Variants in PKHD1 observed in about 807,000 individuals in gnomAD.
PKHD1 encodes the protein PKHD1 ciliary IPT domain containing fibrocystin/polyductin, also known as fibrocystin.
Under a neutral mutation model 412.0 loss-of-function variants are expected in PKHD1, and 291 were observed. That is an observed-to-expected ratio of 0.71 (90% CI 0.64 to 0.78). PKHD1 has a LOEUF of 0.78. PKHD1 is among the 30% of genes least tolerant of loss of function. The probability of loss-of-function intolerance (pLI) is 0.00; values close to 1 mark genes in which losing one functional copy is unlikely to be tolerated. For missense variants in PKHD1, 4,825 were observed against 4,950.7 expected, an observed-to-expected ratio of 0.97 and a Z score of 0.76; for synonymous variants, 1,777 against 1,821.5, an observed-to-expected ratio of 0.98 and a Z score of 0.62.
intron 36 of PKHD1, among the ~76,000 whole-genome samples, chr6:51,957,559 C>A (rs2127933018): frequency 6.6e-6 from 1 of 152,036 alleles, no homozygotes. Context: ...AGGTTAGTAC[C>A]AATGAAGTGT....
chr6:51,863,537 C>A (rs531287489), intron 48 of PKHD1, among the ~76,000 whole-genome samples: 1 of 152,162 alleles, frequency 6.6e-6, no homozygotes, highest in East Asian at 1.9e-4. Context: ...TCCACCAGGA[C>A]AAGAAAACAA....
chr6:51,742,274 G>A (rs1410086116), intron 60 of PKHD1, among the ~76,000 whole-genome samples: 1 of 152,140 alleles, frequency 6.6e-6, no homozygotes, highest in Non-Finnish European at 1.5e-5. Flanking sequence ...CATGCGCTTG[G>A]CACTGACTTT....
Position 51,746,861 on chromosome 6 carries a change from A to G in PKHD1, c.9858T>C (p.Ser3286=). The part of the protein sequence containing the change: ...QDVTFSSFVK[S]CYSDDLDVCI... ...AGACATCCAGGTCATCGCTATAGCAACTCTTCACAAAACTAGAAAAGGTAA... is the reference window on the plus strand; with the variant it reads ...AGACATCCAGGTCATCGCTATAGCAGCTCTTCACAAAACTAGAAAAGGTAA... The change falls in exon 59 of 67, where the codon AGT becomes AGC. Residue 3286 remains serine, a synonymous_variant. Coordinates refer to ENST00000371117, the MANE Select transcript of PKHD1 (RefSeq NM_138694.4). The G allele has an allele frequency of 1.2e-6, 2 of 1,608,468 alleles. No individual in the cohort carries two copies. The highest frequency in any genetic ancestry group is 8.5e-7 in the Non-Finnish European group (1 of 1,175,926).
At chr6:51,804,718 A>G (rs1466110660) in intron 52 of PKHD1, among the ~76,000 whole-genome samples, 3 of 152,208 alleles carry the variant, frequency 2.0e-5, no homozygotes, top group African/African-American at 7.2e-5. Context: ...AACTAGGTGT[A>G]GAGTTGCTCC....
At chr6:52,038,982 T>C (rs533793442) in intron 27 of PKHD1, among the ~76,000 whole-genome samples, 1 of 152,350 alleles carries the variant, frequency 6.6e-6, no homozygotes, top group East Asian at 1.9e-4. Flanking sequence ...TTGCAAATTA[T>C]TTATCTGATA....
In PKHD1 at chr6:51,912,708, C is replaced by T; in HGVS notation, c.6122-132G>A. 1.9e-5 allele frequency: 14 copies of T among 727,290 alleles called. No homozygotes were observed. In the South Asian group the frequency reaches 2.1e-4, roughly 11 times the overall value. 45.1% of individuals were successfully genotyped at this position (727,290 alleles called of 1,614,324 possible). On this transcript the variant is annotated intron_variant, in intron 37 of 66. Coordinates refer to ENST00000371117, the MANE Select transcript of PKHD1 (RefSeq NM_138694.4). ...AAATAAGACCTGGAAAAGCAAGCTT[C>T]AGGATAGGTAAGCACTAATTTTTTT...
At chr6:51,761,776 A>G (rs1788056653) in intron 55 of PKHD1, among the ~76,000 whole-genome samples, 1 of 152,118 alleles carries the variant, frequency 6.6e-6, no homozygotes, top group African/African-American at 2.4e-5. Flanking sequence ...AAAGGATAAC[A>G]GGACAAAGAG....
intron 52 of PKHD1, among the ~76,000 whole-genome samples, chr6:51,795,597 T>C (rs1794474329): frequency 1.3e-5 from 2 of 152,230 alleles, no homozygotes; most frequent in Non-Finnish European, 2.9e-5. Context: ...GGCATCCTTG[T>C]CTTGTGACAG....
chr6:51,984,624 T>C (rs1252882067), intron 35 of PKHD1, among the ~76,000 whole-genome samples: 1 of 152,190 alleles, frequency 6.6e-6, no homozygotes, highest in Non-Finnish European at 1.5e-5. Flanking sequence ...CCAATATCAG[T>C]ATGAAATTCA....
chr6:52,054,440 G>A (rs1807381806), intron 19 of PKHD1, among the ~76,000 whole-genome samples: 1 of 152,172 alleles, frequency 6.6e-6, no homozygotes, highest in Admixed American at 6.5e-5. Context: ...GCTTAGCACT[G>A]TGCTTGGCAG....
intron 46 of PKHD1, among the ~76,000 whole-genome samples, chr6:51,874,314 A>G (rs1776492145): frequency 6.6e-6 from 1 of 152,216 alleles, no homozygotes; most frequent in African/African-American, 2.4e-5. Flanking sequence ...TGTTAATTAG[A>G]CAGAATGCTG....
chr6:51,807,485 A>ATGTGAG (rs1764009906), intron 52 of PKHD1, among the ~76,000 whole-genome samples: 1 of 111,794 alleles, frequency 8.9e-6, no homozygotes, highest in South Asian at 2.7e-4. Flanking sequence ...ATATATGTAT[A>ATGTGAG]TGTGTGTGTG....
chr6:51,760,657 C>T (rs1290305657), intron 55 of PKHD1, among the ~76,000 whole-genome samples: 1 of 151,930 alleles, frequency 6.6e-6, no homozygotes, highest in African/African-American at 2.4e-5. Context: ...TGAAGTGCTG[C>T]AATGAGAATG....
At chr6:51,818,470 C>T (rs1024488720) in intron 52 of PKHD1, among the ~76,000 whole-genome samples, 2 of 152,152 alleles carry the variant, frequency 1.3e-5, no homozygotes, top group Non-Finnish European at 2.9e-5. Flanking sequence ...AATCCAGAGG[C>T]CTAGATTTGA....
At chr6:52,057,163 T>C (rs910355236) in intron 16 of PKHD1, among the ~76,000 whole-genome samples, 184 bp from the exon 17 acceptor site, 4 of 152,244 alleles carry the variant, frequency 2.6e-5, no homozygotes, top group African/African-American at 7.2e-5. Flanking sequence ...AGAACTTTTG[T>C]TGGACTAACA....
rs534459967 is a variant in PKHD1 at position 51,842,097 on chromosome 6, G to A, written c.8108-5628C>T. The stretch of plus-strand genomic sequence containing the variant: ...TCTTGCCCTTTATTCGTGGTGAGGC[G>A]GACATTTGGACACAAGTGTTGGCCA... On this transcript the variant is annotated intron_variant, in intron 50 of 66. Transcript: ENST00000371117. Among the ~76,000 whole-genome samples, 22 of 152,280 alleles carry A rather than the reference G, an allele frequency of 1.4e-4. No individual in the cohort carries two copies. In the South Asian group the frequency reaches 3.7e-3, roughly 26 times the overall value.
At chr6:51,967,452 A>T (rs912825317) in intron 35 of PKHD1, among the ~76,000 whole-genome samples, 2 of 152,176 alleles carry the variant, frequency 1.3e-5, no homozygotes, top group African/African-American at 4.8e-5. Context: ...GCAAAATGGA[A>T]CTTTCTGTAA....
intron 59 of PKHD1, 126 bp from the exon 60 acceptor site, chr6:51,744,668 A>G: frequency 1.4e-6 from 1 of 720,000 alleles, no homozygotes; most frequent in South Asian, 1.6e-5. Flanking sequence ...AATGTGTTAC[A>G]TAGATATAAA....
intron 14 of PKHD1, among the ~76,000 whole-genome samples, chr6:52,061,178 C>T (rs1318992645): frequency 2.0e-5 from 3 of 152,062 alleles, no homozygotes; most frequent in East Asian, 3.9e-4. Flanking sequence ...AAATTAACTG[C>T]CACATTTTTG....
Sources: gnomAD v4.1 joint callset for allele counts (sites outside exome capture counted in the v4.1 genomes callset) on GRCh38, gnomAD v4.1.1 for gene constraint, MANE v1.5 for transcripts, NCBI Gene and HGNC (gene_info 2026-07-23, HGNC 2026-07-21) for gene names.